NXPE2: variants seen among roughly 807,000 people sequenced by gnomAD.
The protein encoded by NXPE2 is NXPE family member 2.
Under a neutral mutation model 34.4 loss-of-function variants are expected in NXPE2, and 34 were observed. The observed-to-expected ratio is 0.99, with a 90% CI of 0.75 to 1.31. The LOEUF is 1.31. Among genes scored for constraint, NXPE2 ranks in the 40% most tolerant of loss-of-function variants. The pLI is 0.00. For synonymous variants in NXPE2, 235 were observed against 231.3 expected (o/e 1.02, Z -0.15); for missense variants, 649 against 672.5 (o/e 0.97, Z 0.39).
At chr11:114,506,084 A>G in the NXPE2 span, among the ~76,000 whole-genome samples, 10 of 150,710 alleles carry the variant, frequency 6.6e-5, no homozygotes, top group African/African-American at 2.5e-4. Context: ...CTAGTTTCTA[A>G]CAAAACAGAC....
the NXPE2 span, among the ~76,000 whole-genome samples, chr11:114,471,875 A>G: frequency 6.6e-6 from 1 of 152,220 alleles, no homozygotes; most frequent in African/African-American, 2.4e-5. Flanking sequence ...AAAATAGAAT[A>G]AAAGCAAAAA....
At chr11:114,488,820 C>T in the NXPE2 span, among the ~76,000 whole-genome samples, 12 of 152,024 alleles carry the variant, frequency 7.9e-5, no homozygotes, top group Non-Finnish European at 1.2e-4. Flanking sequence ...AGAGCAAACA[C>T]ATTCAAAAGC....
the NXPE2 span, among the ~76,000 whole-genome samples, chr11:114,525,385 A>AAAAAC: frequency 6.6e-6 from 1 of 152,078 alleles, no homozygotes; most frequent in Non-Finnish European, 1.5e-5. Flanking sequence ...ATATAAAAAG[A>AAAAAC]AAAACAAGTT....
chr11:114,618,628 A>G, the NXPE2 span, among the ~76,000 whole-genome samples: 1 of 151,836 alleles, frequency 6.6e-6, no homozygotes, highest in Admixed American at 6.6e-5. Flanking sequence ...CCTTGTGAGT[A>G]ACCACTGTTC....
the NXPE2 span, among the ~76,000 whole-genome samples, chr11:114,649,396 C>T: frequency 2.0e-5 from 3 of 152,130 alleles, no homozygotes; most frequent in Admixed American, 1.3e-4. Flanking sequence ...AAGTAATATT[C>T]AGCAATGAAA....
the NXPE2 span, among the ~76,000 whole-genome samples, chr11:114,672,037 A>G: frequency 1.4e-4 from 22 of 152,022 alleles, no homozygotes; most frequent in African/African-American, 3.6e-4. Context: ...ACATCTTCAC[A>G]TGGCTGGTGG....
chr11:114,629,978 C>T, the NXPE2 span, among the ~76,000 whole-genome samples: 1 of 150,356 alleles, frequency 6.7e-6, no homozygotes, highest in African/African-American at 2.5e-5. Flanking sequence ...CGTGAAGGAA[C>T]TCTTCAAGGA....
At chr11:114,633,114 T>G in the NXPE2 span, among the ~76,000 whole-genome samples, 1 of 122,650 alleles carries the variant, frequency 8.2e-6, no homozygotes, top group South Asian at 2.4e-4. Flanking sequence ...TTACATTATA[T>G]TTTATATAAT....
the NXPE2 span, among the ~76,000 whole-genome samples, chr11:114,611,122 T>A: frequency 5.3e-5 from 8 of 149,900 alleles, no homozygotes; most frequent in African/African-American, 2.0e-4. Flanking sequence ...GGATAGTTAG[T>A]ATTGCCTCAT....
Position 114,698,450 on chromosome 11 carries a change from A to T in NXPE2, c.538A>T (p.Thr180Ser). The T allele has an allele frequency of 6.2e-7, 1 of 1,613,936 alleles. No individual in the cohort carries two copies. Among genetic ancestry groups the T allele is most frequent in the Non-Finnish European group, 8.5e-7 (1 of 1,179,932 alleles). ...CAACGGCACCTACCTGGTCAGCTTC[A>T]CTCTGTTCTGGGAGGGCCAGGTTTC... is the stretch of plus-strand genomic sequence containing the variant. The part of the protein sequence containing the change: ...FNNGTYLVSF[T>S]LFWEGQVSLS... The change falls in exon 3 of 6, where the codon ACT becomes TCT. Residue 180 changes from threonine (T) to serine (S), a missense_variant. Coordinates refer to ENST00000389586, the MANE Select transcript of NXPE2 (RefSeq NM_182495.6).
chr11:114,629,006 G>A, the NXPE2 span, among the ~76,000 whole-genome samples: 2 of 152,026 alleles, frequency 1.3e-5, no homozygotes, highest in East Asian at 3.9e-4. Flanking sequence ...CCAATAACAG[G>A]CTCTGAAATT....
chr11:114,606,380 G>A, the NXPE2 span, among the ~76,000 whole-genome samples: 1 of 151,792 alleles, frequency 6.6e-6, no homozygotes, highest in Non-Finnish European at 1.5e-5. Flanking sequence ...ACTTAGTGTT[G>A]CCTCATGGGT....
the NXPE2 span, among the ~76,000 whole-genome samples, chr11:114,657,451 C>A: frequency 4.6e-5 from 7 of 152,074 alleles, no homozygotes; most frequent in Admixed American, 4.6e-4. Flanking sequence ...AGATTTTTAA[C>A]AATGGAAATC....
chr11:114,598,001 T>C, the NXPE2 span, among the ~76,000 whole-genome samples: 1 of 152,054 alleles, frequency 6.6e-6, no homozygotes, highest in East Asian at 1.9e-4. Context: ...ACAAGGTAAG[T>C]CCCTTCCACC....
the NXPE2 span, among the ~76,000 whole-genome samples, chr11:114,509,487 C>T: frequency 5.9e-5 from 9 of 152,278 alleles, no homozygotes; most frequent in South Asian, 1.9e-3. Flanking sequence ...CTCGTTGTGA[C>T]ACTACTCACA....
chr11:114,506,351 G>C, the NXPE2 span, among the ~76,000 whole-genome samples: 4 of 152,108 alleles, frequency 2.6e-5, no homozygotes, highest in Non-Finnish European at 5.9e-5. Context: ...AAGGTATTCA[G>C]GAACTGAACT....
At chr11:114,649,103 G>A in the NXPE2 span, among the ~76,000 whole-genome samples, 8 of 150,794 alleles carry the variant, frequency 5.3e-5, no homozygotes, top group Admixed American at 2.0e-4. Context: ...TATTCCTTTC[G>A]CCTTCAGCAA....
intron 2 of NXPE2, among the ~76,000 whole-genome samples, chr11:114,680,431 T>C (rs1025377435): frequency 3.3e-5 from 5 of 152,102 alleles, no homozygotes; most frequent in Admixed American, 6.6e-5. Context: ...CACCACAGTC[T>C]AGGGCATTCA....
the NXPE2 span, among the ~76,000 whole-genome samples, chr11:114,742,672 C>G: frequency 7.3e-6 from 1 of 136,084 alleles, no homozygotes. Flanking sequence ...TTACTGGACT[C>G]TCATACTTCC....
Sources: gnomAD v4.1 joint callset for allele counts (sites outside exome capture counted in the v4.1 genomes callset) on GRCh38, gnomAD v4.1.1 for gene constraint, MANE v1.5 for transcripts, NCBI Gene and HGNC (gene_info 2026-07-23, HGNC 2026-07-21) for gene names.